Variants in SORCS2 observed in about 807,000 individuals in gnomAD.
SORCS2 encodes VPS10 domain-containing receptor SorCS2.
Under a neutral mutation model 141.6 loss-of-function variants are expected in SORCS2, and 100 were observed. The ratio of observed to expected loss-of-function variants is 0.71; its 90% confidence interval spans 0.60 to 0.83. The LOEUF (loss-of-function observed/expected upper bound fraction) is 0.83. Ranked by LOEUF, SORCS2 falls within the 40% of genes least tolerant of loss-of-function variation. The probability of loss-of-function intolerance (pLI) is 0.00; values close to 1 mark genes in which losing one functional copy is unlikely to be tolerated. For synonymous variants in SORCS2, 789 were observed against 676.9 expected (o/e 1.17, Z -2.57); for missense variants, 1,646 against 1,560.2 (o/e 1.05, Z -0.93).
intron 2 of SORCS2, among the ~76,000 whole-genome samples, chr4:7,492,622 T>C (rs1731384486): frequency 6.6e-6 from 1 of 152,218 alleles, no homozygotes; most frequent in South Asian, 2.1e-4. Flanking sequence ...GGAACGTCTG[T>C]ACTATTTTCC....
At chr4:7,595,577 GT>G (rs1043203513) in intron 3 of SORCS2, among the ~76,000 whole-genome samples, 1 of 143,490 alleles carries the variant, frequency 7.0e-6, no homozygotes, top group Non-Finnish European at 1.5e-5. Context: ...AGACGTTCTT[GT>G]CACTCTTGTC....
chr4:7,229,560 C>T (rs1039406340), intron 1 of SORCS2, among the ~76,000 whole-genome samples: 1 of 152,370 alleles, frequency 6.6e-6, no homozygotes, highest in East Asian at 1.9e-4. Context: ...CGGAGCTTGC[C>T]TGGAATCCCT....
chr4:7,519,761 C>T lies in SORCS2; in HGVS notation c.549-11769C>T, dbSNP rs147317411. 1.3e-4 allele frequency among the ~76,000 whole-genome samples: 20 copies of T among 152,340 alleles called. No homozygotes were observed. In the East Asian group the frequency reaches 3.5e-3, roughly 26 times the overall value. ...CACCTCTTAGTCTGACCCATTCTGC[C>T]CCTCCTTCCCCCTCAGCTCCTGCAG... On this transcript the variant is annotated intron_variant, in intron 2 of 26. Coordinates refer to ENST00000507866, the MANE Select transcript of SORCS2 (RefSeq NM_020777.3).
chr4:7,550,577 G>T (rs1290480181), intron 3 of SORCS2, among the ~76,000 whole-genome samples: 1 of 152,232 alleles, frequency 6.6e-6, no homozygotes, highest in Non-Finnish European at 1.5e-5. Context: ...CTGGCAGAGG[G>T]CAGGGGACAC....
chr4:7,725,058 A>G (rs1013336282), intron 19 of SORCS2, 96 bp from the exon 20 acceptor site: 109 of 1,326,704 alleles, frequency 8.2e-5, no homozygotes, highest in Non-Finnish European at 1.1e-4. Flanking sequence ...TGGTGATGAT[A>G]GCAATGAAGT....
chr4:7,200,937 G>T (rs1339692924), intron 1 of SORCS2, among the ~76,000 whole-genome samples: 1 of 152,176 alleles, frequency 6.6e-6, no homozygotes, highest in East Asian at 1.9e-4. Context: ...GGCCCGGCTC[G>T]TGGTGGCTGT....
chr4:7,488,883 T>G (rs887911816), intron 2 of SORCS2, among the ~76,000 whole-genome samples: 3 of 152,238 alleles, frequency 2.0e-5, no homozygotes, highest in Non-Finnish European at 4.4e-5. Flanking sequence ...ATGCTTAAAC[T>G]TCTGAGGCAG....
At chr4:7,384,540 C>T (rs903067034) in intron 1 of SORCS2, among the ~76,000 whole-genome samples, 4 of 152,264 alleles carry the variant, frequency 2.6e-5, no homozygotes, top group South Asian at 2.1e-4. Context: ...GCCTCAACCG[C>T]GCTGGGTAAC....
chr4:7,210,179 C>T (rs576135500), intron 1 of SORCS2, among the ~76,000 whole-genome samples: 2 of 152,122 alleles, frequency 1.3e-5, no homozygotes, highest in Non-Finnish European at 1.5e-5. Context: ...TGGGTGGGGA[C>T]GTTTGTGGAT....
rs887900598 is a variant in SORCS2, at chr4:7,193,240, T to A, written c.480+114T>A. 7.9e-7 allele frequency: 1 copy of A among 1,265,994 alleles called. No individual in the cohort carries two copies. The allele number at this position is 1,265,994 out of a possible 1,614,324, so 78.4% of individuals were successfully genotyped here. On this transcript the variant is annotated intron_variant, in intron 1 of 26. Coordinates refer to ENST00000507866, the MANE Select transcript of SORCS2 (RefSeq NM_020777.3). The surrounding 1 kb of genome is among the most constrained non-coding windows in gnomAD (Gnocchi z 4.8). Reference sequence around the variant, plus strand: ...CCCACTATGGTCATCAGGGGCGGGTTCTTGGCGACTTGGGCACTTGGGTCA... The same window carrying A: ...CCCACTATGGTCATCAGGGGCGGGTACTTGGCGACTTGGGCACTTGGGTCA...
intron 1 of SORCS2, among the ~76,000 whole-genome samples, chr4:7,256,953 G>T (rs1311687171): frequency 6.6e-6 from 1 of 152,216 alleles, no homozygotes; most frequent in Non-Finnish European, 1.5e-5. Flanking sequence ...GGATGTAGGT[G>T]TCATCGGTAG....
chr4:7,294,233 G>A (rs1188271942), intron 1 of SORCS2, among the ~76,000 whole-genome samples: 2 of 152,202 alleles, frequency 1.3e-5, no homozygotes, highest in Non-Finnish European at 2.9e-5. Flanking sequence ...TAGGGGAGAG[G>A]AGGGTTTCTG....
intron 1 of SORCS2, among the ~76,000 whole-genome samples, chr4:7,260,620 G>A (rs1004416743): frequency 2.0e-5 from 3 of 152,186 alleles, no homozygotes; most frequent in Admixed American, 6.5e-5. Context: ...ATATGGGAAC[G>A]TAAACCAGGT....
At chr4:7,505,768 C>T (rs1732239837) in intron 2 of SORCS2, among the ~76,000 whole-genome samples, 1 of 152,176 alleles carries the variant, frequency 6.6e-6, no homozygotes, top group African/African-American at 2.4e-5. Context: ...CTCTTCCTGA[C>T]TCTGTGACCT....
At chr4:7,196,297 C>A (rs1727163637) in intron 1 of SORCS2, among the ~76,000 whole-genome samples, 1 of 152,144 alleles carries the variant, frequency 6.6e-6, no homozygotes, top group Non-Finnish European at 1.5e-5. Flanking sequence ...CCGGAGCTGC[C>A]CTTGGAGGCA....
intron 1 of SORCS2, among the ~76,000 whole-genome samples, chr4:7,305,502 C>T (rs1717755570): frequency 6.6e-6 from 1 of 152,180 alleles, no homozygotes; most frequent in Non-Finnish European, 1.5e-5. Flanking sequence ...CCCTCTCCGT[C>T]GTCTGCTTCT....
intron 2 of SORCS2, among the ~76,000 whole-genome samples, chr4:7,447,533 A>G (rs753919815): frequency 6.6e-6 from 1 of 152,218 alleles, no homozygotes; most frequent in East Asian, 1.9e-4. Context: ...TAGTAGATCC[A>G]TCATTTCTAT....
At chr4:7,716,864 TG>T (rs1242183754) in intron 17 of SORCS2, among the ~76,000 whole-genome samples, 1 of 152,252 alleles carries the variant, frequency 6.6e-6, no homozygotes, top group Non-Finnish European at 1.5e-5. Flanking sequence ...ATCTGCACGC[TG>T]TAGGTGCCAT....
chr4:7,561,463 T>C (rs1577752246), intron 3 of SORCS2, among the ~76,000 whole-genome samples: 1 of 120,550 alleles, frequency 8.3e-6, no homozygotes, highest in African/African-American at 3.6e-5. Context: ...AATCCATCTA[T>C]CCATTCATCC....
Sources: gnomAD v4.1 joint callset for allele counts (sites outside exome capture counted in the v4.1 genomes callset) on GRCh38, gnomAD v4.1.1 for gene constraint, Gnocchi (gnomAD v3.1) non-coding constraint, MANE v1.5 for transcripts, NCBI Gene and HGNC (gene_info 2026-07-23, HGNC 2026-07-21) for gene names.